The following C4orf36 variants were observed in gnomAD, a reference collection of about 807,000 sequenced individuals.
C4orf36 encodes the protein uncharacterized protein C4orf36.
A neutral mutation model predicts 12.2 loss-of-function variants in C4orf36; 11 were observed. That is an observed-to-expected ratio of 0.90 (90% CI 0.57 to 1.49). The LOEUF (loss-of-function observed/expected upper bound fraction) is 1.49. Ranked by LOEUF, C4orf36 falls within the 40% of genes most tolerant of loss-of-function variation. C4orf36 has a pLI of 0.00. For synonymous variants in C4orf36, 54 were observed against 51.3 expected, an observed-to-expected ratio of 1.05 and a Z score of -0.22; for missense variants, 137 against 133.9, an observed-to-expected ratio of 1.02 and a Z score of -0.11.
At chr4:86,899,731 T>G in the C4orf36 span, among the ~76,000 whole-genome samples, 1 of 152,174 alleles carries the variant, frequency 6.6e-6, no homozygotes, top group Non-Finnish European at 1.5e-5. Context: ...CTCAGGAGGC[T>G]GAGGTGGGAA....
chr4:86,914,068 G>C, the C4orf36 span: 1 of 1,610,642 alleles, frequency 6.2e-7, no homozygotes, highest in South Asian at 1.1e-5. Context: ...ACTGTGGAGC[G>C]AATTGGCTTT....
upstream of C4orf36, among the ~76,000 whole-genome samples, chr4:86,896,526 C>T (rs1747593487): frequency 6.6e-6 from 1 of 152,118 alleles, no homozygotes; most frequent in Admixed American, 6.6e-5. Context: ...CAAATAACGG[C>T]CCTAAATATT....
At chr4:86,890,001 G>A (rs1474404471) in intron 2 of C4orf36, 9 of 449,342 alleles carry the variant, frequency 2.0e-5, no homozygotes, top group African/African-American at 1.8e-4. Context: ...GACTAGCCTG[G>A]GCAACAAAGT....
the C4orf36 span, among the ~76,000 whole-genome samples, chr4:86,898,044 C>G: frequency 6.6e-6 from 1 of 152,188 alleles, no homozygotes; most frequent in Non-Finnish European, 1.5e-5. Context: ...GATTTACCTG[C>G]TTCAGTTCAA....
chr4:86,926,350 G>A, the C4orf36 span: 1 of 152,264 alleles, frequency 6.6e-6, no homozygotes, highest in African/African-American at 2.4e-5. Context: ...AGGGTTTATT[G>A]AGGAGACTTA....
the C4orf36 span, among the ~76,000 whole-genome samples, chr4:86,922,971 A>T: frequency 1.4e-5 from 2 of 142,926 alleles, no homozygotes; most frequent in Non-Finnish European, 1.5e-5. Flanking sequence ...TTTTTAAGAG[A>T]TAGGGATCTT....
At chr4:86,890,428 T>C (rs1261156308) in intron 2 of C4orf36, among the ~76,000 whole-genome samples, 1 of 151,934 alleles carries the variant, frequency 6.6e-6, no homozygotes, top group Non-Finnish European at 1.5e-5. Flanking sequence ...TATGTGTGTG[T>C]ATACATGTGT....
At position 86,892,298 on chromosome 4, in the gene C4orf36, C is replaced by G; in HGVS notation, c.-189G>C. 2.0e-6 allele frequency: 2 copies of G among 985,716 alleles called. No individual in the cohort carries two copies. The highest frequency in any genetic ancestry group is 2.4e-6 in the Non-Finnish European group (2 of 830,160). The allele number at this position is 985,716 out of a possible 1,614,324, so 61.1% of individuals were successfully genotyped here. A position where few individuals can be genotyped will look rare whatever the true frequency, so the allele number is the denominator to read the frequency against. On this transcript the variant is annotated 5_prime_UTR_variant, in exon 1 of 5. Coordinates refer to ENST00000295898, the MANE Select transcript of C4orf36 (RefSeq NM_144645.4). ...CCTGGTTACCCGGGCTCCAGGGGCT[C>G]GGAGGGTCGCGGCCGGGGTACTGAG... is the stretch of plus-strand genomic sequence containing the variant.
At chr4:86,932,507 CCAAA>C in the C4orf36 span, among the ~76,000 whole-genome samples, 1 of 152,018 alleles carries the variant, frequency 6.6e-6, no homozygotes, top group Non-Finnish European at 1.5e-5. Context: ...TTCAGTTTGA[CCAAA>C]CAGTTGTCCA....
At chr4:86,922,130 T>C in the C4orf36 span, among the ~76,000 whole-genome samples, 2 of 152,206 alleles carry the variant, frequency 1.3e-5, no homozygotes, top group Non-Finnish European at 2.9e-5. Flanking sequence ...CAAGGAATGC[T>C]AGAATGCATT....
chr4:86,919,324 T>C, the C4orf36 span, among the ~76,000 whole-genome samples: 3 of 134,736 alleles, frequency 2.2e-5, no homozygotes, highest in Non-Finnish European at 4.8e-5. Flanking sequence ...CCTTTTTTTT[T>C]TTTTTTTTTT....
At chr4:86,878,930 A>G (rs1023359206) in intron 4 of C4orf36, among the ~76,000 whole-genome samples, 3 of 152,196 alleles carry the variant, frequency 2.0e-5, no homozygotes, top group Non-Finnish European at 4.4e-5. Context: ...AGTTATACAC[A>G]CAAGCCCAGA....
At chr4:86,914,033 G>A in the C4orf36 span, 350 of 1,609,424 alleles carry the variant, frequency 2.2e-4, 3 homozygotes, top group South Asian at 9.3e-4. Context: ...GCAAAACGTC[G>A]TTGGGATGGC....
At chr4:86,919,537 C>A in the C4orf36 span, among the ~76,000 whole-genome samples, 19 of 151,810 alleles carry the variant, frequency 1.3e-4, no homozygotes, top group Admixed American at 1.2e-3. Context: ...GTTGGCCAGG[C>A]TGGTCTTGAA....
the C4orf36 span, chr4:86,913,149 T>TA: frequency 9.0e-6 from 3 of 333,948 alleles, no homozygotes; most frequent in African/African-American, 6.5e-5. Flanking sequence ...TGGCGTGATA[T>TA]ATGTTCTCAG....
chr4:86,919,141 AG>A, the C4orf36 span, among the ~76,000 whole-genome samples: 4 of 151,492 alleles, frequency 2.6e-5, 1 homozygote, highest in East Asian at 5.8e-4. Context: ...AGAGAGAGAG[AG>A]AGAGAGAAAT....
intron 4 of C4orf36, among the ~76,000 whole-genome samples, chr4:86,885,464 C>T (rs1472147470): frequency 9.2e-5 from 14 of 152,196 alleles, no homozygotes; most frequent in Non-Finnish European, 1.3e-4. Context: ...GAAGCAATTG[C>T]GAATGGGAGT....
At chr4:86,920,136 T>C in the C4orf36 span, among the ~76,000 whole-genome samples, 1 of 152,240 alleles carries the variant, frequency 6.6e-6, no homozygotes, top group Non-Finnish European at 1.5e-5. Context: ...GCCAAGTTCT[T>C]TGCCATTTCA....
At chr4:86,899,599 A>G in the C4orf36 span, among the ~76,000 whole-genome samples, 1 of 152,170 alleles carries the variant, frequency 6.6e-6, no homozygotes, top group Non-Finnish European at 1.5e-5. Context: ...AGTGGTGGAC[A>G]GATTGCTGAA....
Sources: allele counts gnomAD v4.1 joint callset (sites outside exome capture counted in the v4.1 genomes callset), GRCh38; gene constraint gnomAD v4.1.1; transcripts MANE v1.5; gene names NCBI Gene and HGNC (gene_info 2026-07-23, HGNC 2026-07-21).